FGFR2: variants seen among roughly 807,000 people sequenced by gnomAD.
FGFR2 encodes fibroblast growth factor receptor 2, also known as BEK fibroblast growth factor receptor.
Under a neutral mutation model 95.9 loss-of-function variants are expected in FGFR2, and 19 were observed. The observed-to-expected ratio is 0.20, with a 90% CI of 0.14 to 0.29. The LOEUF is 0.29. Ranked by LOEUF, FGFR2 falls within the 10% of genes least tolerant of loss-of-function variation. FGFR2 has a pLI of 1.00. For missense variants in FGFR2, 707 were observed against 1,056.9 expected (o/e 0.67, Z 4.59); for synonymous variants, 392 against 393.3 (o/e 1.00, Z 0.04).
rs752914864 is a variant in FGFR2 at position 121,517,667 on chromosome 10, C to T, written c.940-204G>A. Among the ~76,000 whole-genome samples the T allele has an allele frequency of 4.6e-5, 7 of 152,044 alleles. No homozygotes were observed. Among genetic ancestry groups the T allele is most frequent in the Non-Finnish European group, 1.0e-4 (7 of 68,012 alleles). ...TCACCTCCACAGGCCCGTCACCACA[C>T]CGGCTTCACCTCCTACACATGCACG... is the stretch of plus-strand genomic sequence containing the variant. On this transcript the variant is annotated intron_variant, in intron 7 of 17. Transcript: ENST00000358487. This position sits in a 1 kb window ranked among gnomAD's most constrained non-coding sequence, Gnocchi z 4.7.
At chr10:121,550,076 C>A (rs1855140257) in intron 5 of FGFR2, among the ~76,000 whole-genome samples, 1 of 152,226 alleles carries the variant, frequency 6.6e-6, no homozygotes, top group Non-Finnish European at 1.5e-5. Flanking sequence ...TTCTCTCCTT[C>A]CATACTAAAT....
At chr10:121,556,519 G>A (rs942855928) in intron 4 of FGFR2, among the ~76,000 whole-genome samples, 2 of 151,188 alleles carry the variant, frequency 1.3e-5, no homozygotes, top group Non-Finnish European at 2.9e-5. Context: ...AAGAGACCTC[G>A]GTGACCATCT....
chr10:121,547,729 G>T (rs1854731991), intron 5 of FGFR2, among the ~76,000 whole-genome samples: 1 of 152,102 alleles, frequency 6.6e-6, no homozygotes, highest in Admixed American at 6.6e-5. Context: ...AGGTAACGAA[G>T]AAAATATCAG....
chr10:121,511,366 C>T (rs1248810870), intron 9 of FGFR2, among the ~76,000 whole-genome samples: 1 of 152,152 alleles, frequency 6.6e-6, no homozygotes, highest in Non-Finnish European at 1.5e-5. Flanking sequence ...ACTGATTCAG[C>T]AAACCCAGCA....
chr10:121,485,045 C>T lies in FGFR2; in HGVS notation c.2195+350G>A, dbSNP rs2133787425. 6.6e-6 allele frequency among the ~76,000 whole-genome samples: 1 copy of T among 152,276 alleles called. No homozygotes were observed. On this transcript the variant is annotated intron_variant, in intron 16 of 17. Coordinates refer to ENST00000358487, the MANE Select transcript of FGFR2 (RefSeq NM_000141.5). This position sits in a 1 kb window ranked among gnomAD's most constrained non-coding sequence, Gnocchi z 4.2. ...CGCGGCTTTCTAGCTTGTTTCCTGA[C>T]CCGTGGGTCTTCCTGTCACTCCACG... is the stretch of plus-strand genomic sequence containing the variant.
At chr10:121,565,873 G>C (rs1227919683) in intron 2 of FGFR2, 169 bp from the exon 3 acceptor site, 9 of 745,714 alleles carry the variant, frequency 1.2e-5, no homozygotes, top group Non-Finnish European at 1.8e-5. Flanking sequence ...AAGTCAGGAA[G>C]TATCTGGAAG....
chr10:121,486,687 G>A (rs935121008), intron 15 of FGFR2, among the ~76,000 whole-genome samples: 6 of 152,262 alleles, frequency 3.9e-5, no homozygotes, highest in African/African-American at 9.6e-5. Flanking sequence ...TGATCCACCC[G>A]CCTTGCCCTC....
intron 2 of FGFR2, among the ~76,000 whole-genome samples, chr10:121,572,425 A>G (rs1352181190): frequency 6.6e-6 from 1 of 152,180 alleles, no homozygotes; most frequent in African/African-American, 2.4e-5. Context: ...GTTCGAGACC[A>G]GCCTCACCAA....
At chr10:121,570,353 A>G (rs1858452928) in intron 2 of FGFR2, among the ~76,000 whole-genome samples, 1 of 152,150 alleles carries the variant, frequency 6.6e-6, no homozygotes, top group Non-Finnish European at 1.5e-5. Flanking sequence ...GGCTGCGCGG[A>G]GCCAGGACAA....
chr10:121,498,911 C>A (rs1847232296), intron 11 of FGFR2, among the ~76,000 whole-genome samples: 2 of 152,236 alleles, frequency 1.3e-5, no homozygotes, highest in South Asian at 4.1e-4. Context: ...TCTGCCATAT[C>A]TAAGGCGTCT....
rs900363673 is a variant in FGFR2 at position 121,551,549 on chromosome 10, C to T, written c.455-90G>A. ...AAACAGGTAAGATCATTTCGCTTTG[C>T]ATGTAAATGCTAGGCTATTTTTTAA... On this transcript the variant is annotated intron_variant, in intron 4 of 17. Coordinates refer to ENST00000358487, the MANE Select transcript of FGFR2 (RefSeq NM_000141.5). 7 of 1,167,336 alleles carry T rather than the reference C, an allele frequency of 6.0e-6. No individual in the cohort carries two copies. In the African/African-American group the frequency reaches 1.1e-4, roughly 18 times the overall value. 72.3% of individuals were successfully genotyped at this position (1,167,336 alleles called of 1,614,324 possible).
chr10:121,509,489 T>C (rs1301175510), intron 9 of FGFR2, among the ~76,000 whole-genome samples: 14 of 100,150 alleles, frequency 1.4e-4, no homozygotes, highest in African/African-American at 2.1e-4. Flanking sequence ...TTTCTTTTTT[T>C]TTTTTTTTTT....
chr10:121,486,783 T>G (rs1012514663), intron 15 of FGFR2, among the ~76,000 whole-genome samples: 1 of 152,194 alleles, frequency 6.6e-6, no homozygotes, highest in Non-Finnish European at 1.5e-5. Flanking sequence ...AGTTGGAGCC[T>G]GACCCCACTG....
chr10:121,596,102 T>A (rs1863393768), intron 1 of FGFR2, among the ~76,000 whole-genome samples: 1 of 152,328 alleles, frequency 6.6e-6, no homozygotes, highest in South Asian at 2.1e-4. Context: ...TTCAATACCA[T>A]AATCCTTCCT....
At chr10:121,581,761 T>TAA (rs55911512) in intron 2 of FGFR2, among the ~76,000 whole-genome samples, 794 of 62,566 alleles carry the variant, frequency 0.013, 22 homozygotes, top group African/African-American at 0.041. Context: ...ACCCTGCATT[T>TAA]AAAAAAAAAA....
chr10:121,558,877 G>A (rs1238716931), intron 4 of FGFR2, among the ~76,000 whole-genome samples: 1 of 151,868 alleles, frequency 6.6e-6, no homozygotes, highest in South Asian at 2.1e-4. Context: ...ATGAGCCACC[G>A]CGCCCGATCT....
intron 2 of FGFR2, among the ~76,000 whole-genome samples, chr10:121,566,812 C>T (rs1203400008): frequency 6.6e-6 from 1 of 152,060 alleles, no homozygotes; most frequent in Non-Finnish European, 1.5e-5. Context: ...CCCCATCCTG[C>T]TTGGCAGACA....
At position 121,551,319 on chromosome 10, in the gene FGFR2, T is replaced by C; in HGVS notation, c.595A>G (p.Lys199Glu). ...TAGCCTCCAATGCGATGCTCCTGCTTAAACTCCTTCCCGTTTTTCAGCCAC... is the reference window on the plus strand; with the variant it reads ...TAGCCTCCAATGCGATGCTCCTGCTCAAACTCCTTCCCGTTTTTCAGCCAC... ...MRWLKNGKEF[K>E]QEHRIGGYKV... Residue 199 changes from lysine to glutamate, a missense_variant, in exon 5 of 18, where the codon AAG becomes GAG. Around this residue, in one of 7 missense-constraint regions of FGFR2, gnomAD observed 139 missense variants for 278.1 expected, o/e 0.50. Coordinates refer to ENST00000358487, the MANE Select transcript of FGFR2 (RefSeq NM_000141.5). The C allele has an allele frequency of 1.9e-6, 3 of 1,614,256 alleles. No individual in the cohort carries two copies. The highest frequency in any genetic ancestry group is 2.5e-6 in the Non-Finnish European group (3 of 1,180,050).
At chr10:121,481,218 T>G (rs1004970921) in intron 17 of FGFR2, among the ~76,000 whole-genome samples, 2 of 152,150 alleles carry the variant, frequency 1.3e-5, no homozygotes, top group Non-Finnish European at 2.9e-5. Flanking sequence ...TCTCTCTGCC[T>G]CCACTGGGCT....
Sources: gnomAD v4.1 joint callset for allele counts (sites outside exome capture counted in the v4.1 genomes callset) on GRCh38, gnomAD v4.1.1 for gene constraint, gnomAD v4.1.1 regional missense constraint, Gnocchi (gnomAD v3.1) non-coding constraint, MANE v1.5 for transcripts, NCBI Gene and HGNC (gene_info 2026-07-23, HGNC 2026-07-21) for gene names.